Variants in PPARG observed in about 807,000 individuals in gnomAD.
PPARG encodes the protein peroxisome proliferator-activated receptor gamma.
In PPARG, 17 loss-of-function variants were observed where a neutral mutation model predicts 39.2. That is an observed-to-expected ratio of 0.43 (90% CI 0.30 to 0.65). PPARG has a LOEUF of 0.65. Among genes scored for constraint, PPARG ranks in the 30% least tolerant of loss-of-function variants. PPARG has a pLI of 0.13. For missense variants in PPARG, 406 were observed against 585.9 expected (o/e 0.69, Z 3.17); for synonymous variants, 223 against 215.7 (o/e 1.03, Z -0.30).
At chr3:12,356,815 C>T (rs781482703) in intron 2 of PPARG, among the ~76,000 whole-genome samples, 1 of 152,182 alleles carries the variant, frequency 6.6e-6, no homozygotes, top group Non-Finnish European at 1.5e-5. Flanking sequence ...ACACTAATCT[C>T]TTTGTCCCAA....
At chr3:12,391,214 C>G (rs1023006924) in intron 4 of PPARG, among the ~76,000 whole-genome samples, 1 of 152,090 alleles carries the variant, frequency 6.6e-6, no homozygotes, top group Non-Finnish European at 1.5e-5. Context: ...CTATTCCTGC[C>G]GCTGAGGAAC....
intron 7 of PPARG, among the ~76,000 whole-genome samples, chr3:12,420,574 G>A (rs1439395230): frequency 1.3e-5 from 2 of 152,190 alleles, no homozygotes; most frequent in Admixed American, 1.3e-4. Flanking sequence ...AAGGCTCTTA[G>A]GGCCCCAGAC....
chr3:12,406,313 A>G (rs2050664515), intron 6 of PPARG: 1 of 572,032 alleles, frequency 1.7e-6, no homozygotes. Context: ...AGAATAGTGT[A>G]ACAATGTATT....
At chr3:12,328,824 A>G (rs1410889996) in intron 2 of PPARG, among the ~76,000 whole-genome samples, 1 of 152,246 alleles carries the variant, frequency 6.6e-6, no homozygotes, top group Non-Finnish European at 1.5e-5. Context: ...ACAGACGTTC[A>G]CAGCTGAATC....
intron 5 of PPARG, among the ~76,000 whole-genome samples, chr3:12,397,277 G>A (rs528030392): frequency 3.0e-4 from 46 of 151,424 alleles, no homozygotes; most frequent in African/African-American, 1.0e-3. Flanking sequence ...CATTTTTAAG[G>A]TAGTTCTCTC....
At chr3:12,372,406 A>G (rs2049250571) in intron 2 of PPARG, among the ~76,000 whole-genome samples, 1 of 152,192 alleles carries the variant, frequency 6.6e-6, no homozygotes, top group Non-Finnish European at 1.5e-5. Flanking sequence ...TAGGCAAGTT[A>G]CTTACTTCCA....
intron 2 of PPARG, among the ~76,000 whole-genome samples, chr3:12,338,372 A>C (rs2048076996): frequency 1.3e-5 from 2 of 152,228 alleles, no homozygotes; most frequent in Admixed American, 1.3e-4. Flanking sequence ...ATATTATGAC[A>C]GAATTTAAAT....
rs565747094 is a variant in PPARG, at chr3:12,432,213, G to A, written c.1181-1685G>A. Among the ~76,000 whole-genome samples the A allele has an allele frequency of 2.6e-5, 4 of 152,234 alleles. No individual in the cohort carries two copies. The South Asian group carries it at 8.3e-4, about 32-fold the overall frequency. The stretch of plus-strand genomic sequence containing the variant: ...CAAACCTCTCAACTTGGTGTATAAG[G>A]CTAGTTAACATTGTTACTAAAACAG... On this transcript the variant is annotated intron_variant, in intron 7 of 7. Coordinates refer to ENST00000651735, the MANE Select transcript of PPARG (RefSeq NM_138711.6).
At chr3:12,297,905 AC>A in intron 1 of PPARG, 1 of 152,112 alleles carries the variant, frequency 6.6e-6, no homozygotes, top group East Asian at 1.9e-4. Context: ...AGAATGTTGC[AC>A]TTATAAATAG....
intron 6 of PPARG, among the ~76,000 whole-genome samples, chr3:12,414,151 A>G (rs2050979015): frequency 6.6e-6 from 1 of 152,230 alleles, no homozygotes; most frequent in South Asian, 2.1e-4. Context: ...TTCTGTGCCA[A>G]GAAGCCAAAT....
At chr3:12,376,539 A>G (rs1194475661) in intron 2 of PPARG, among the ~76,000 whole-genome samples, 2 of 152,064 alleles carry the variant, frequency 1.3e-5, no homozygotes, top group Admixed American at 1.3e-4. Context: ...TACAGAAGAG[A>G]GTTTCAGGGT....
intron 2 of PPARG, among the ~76,000 whole-genome samples, chr3:12,369,253 A>G (rs764345349): frequency 6.6e-6 from 1 of 152,194 alleles, no homozygotes; most frequent in African/African-American, 2.4e-5. Context: ...ACACTTTGGT[A>G]GGTCAAGATG....
chr3:12,321,243 G>A (rs2047535452), intron 2 of PPARG, among the ~76,000 whole-genome samples: 1 of 152,188 alleles, frequency 6.6e-6, no homozygotes, highest in African/African-American at 2.4e-5. Context: ...ATGAGTGGTG[G>A]CTGGCATGTG....
chr3:12,431,945 G>A (rs71325694), intron 7 of PPARG, among the ~76,000 whole-genome samples: 25,039 of 146,360 alleles, frequency 0.17, 2,270 homozygotes, highest in Admixed American at 0.25. Context: ...AAAAAAAAGC[G>A]TTAAGTTAAG....
At chr3:12,396,116 T>A (rs2125225012) in intron 5 of PPARG, among the ~76,000 whole-genome samples, 1 of 152,272 alleles carries the variant, frequency 6.6e-6, no homozygotes, top group Admixed American at 6.5e-5. Flanking sequence ...ATGTCTTCTT[T>A]ATTTTTTATT....
chr3:12,343,043 G>T (rs12490265), intron 2 of PPARG, among the ~76,000 whole-genome samples: 2 of 152,078 alleles, frequency 1.3e-5, no homozygotes, highest in African/African-American at 4.8e-5. Context: ...TCCTACACAC[G>T]TACAGTATTA....
intron 7 of PPARG, among the ~76,000 whole-genome samples, chr3:12,417,901 C>T (rs201444297): frequency 0.064 from 2,841 of 44,708 alleles, 2 homozygotes; most frequent in Middle Eastern, 0.19. Flanking sequence ...TTTTTTTTTT[C>T]CTTTTTTTTT....
intron 1 of PPARG, chr3:12,301,928 C>G (rs1263183076): frequency 6.6e-6 from 1 of 152,206 alleles, no homozygotes; most frequent in African/African-American, 2.4e-5. Flanking sequence ...CCAGACACAA[C>G]AGTTGCACAT....
chr3:12,427,133 A>G (rs1051250847), intron 7 of PPARG, among the ~76,000 whole-genome samples: 1 of 149,864 alleles, frequency 6.7e-6, no homozygotes, highest in African/African-American at 2.5e-5. Context: ...CACATGTATA[A>G]CTTTGCTGAA....
Sources: allele counts gnomAD v4.1 joint callset (sites outside exome capture counted in the v4.1 genomes callset), GRCh38; gene constraint gnomAD v4.1.1; transcripts MANE v1.5; gene names NCBI Gene and HGNC (gene_info 2026-07-23, HGNC 2026-07-21).